The following SLCO5A1 variants were observed in gnomAD, a reference collection of about 807,000 sequenced individuals.
The protein encoded by SLCO5A1 is organic anion transporter polypeptide-related protein 4.
SLCO5A1 carries 39 observed loss-of-function variants against 65.1 expected under a neutral mutation model. The ratio of observed to expected loss-of-function variants is 0.60; its 90% CI spans 0.46 to 0.78. The LOEUF is 0.78. Ranked by LOEUF, SLCO5A1 falls within the 30% of genes least tolerant of loss-of-function variation. The pLI, the probability that SLCO5A1 is intolerant of heterozygous loss-of-function variation, is 0.00. For synonymous variants in SLCO5A1, 438 were observed against 415.7 expected (o/e 1.05, Z -0.65); for missense variants, 1,029 against 1,069.4 (o/e 0.96, Z 0.53).
chr8:69,815,647 AACACACACAC>A (rs55665513), intron 2 of SLCO5A1, among the ~76,000 whole-genome samples: 2,185 of 141,280 alleles, frequency 0.015, 28 homozygotes, highest in South Asian at 0.028. Context: ...GTAAAATATC[AACACACACAC>A]ACACACACAC....
intron 2 of SLCO5A1, among the ~76,000 whole-genome samples, chr8:69,792,366 T>C (rs887750175): frequency 2.0e-5 from 3 of 152,090 alleles, no homozygotes; most frequent in Non-Finnish European, 4.4e-5. Flanking sequence ...TACAGAAATA[T>C]GGTAGGAAAA....
chr8:69,828,875 G>A (rs1821043605), intron 2 of SLCO5A1, among the ~76,000 whole-genome samples: 1 of 152,194 alleles, frequency 6.6e-6, no homozygotes, highest in South Asian at 2.1e-4. Flanking sequence ...CAGGGCTGTT[G>A]TTAGTGGATG....
At chr8:69,755,375 G>T in intron 4 of SLCO5A1, 49 bp downstream of exon 4, 2 of 1,495,306 alleles carry the variant, frequency 1.3e-6, no homozygotes, top group Non-Finnish European at 1.9e-6. Flanking sequence ...ACTATGAGTA[G>T]CACTGATCAA....
chr8:69,788,410 C>G (rs1410551766), intron 2 of SLCO5A1, among the ~76,000 whole-genome samples: 1 of 152,202 alleles, frequency 6.6e-6, no homozygotes, highest in East Asian at 1.9e-4. Context: ...TCTTAGCCCA[C>G]AGTCTCCATA....
At chr8:69,735,509 G>T (rs1563691149) in intron 5 of SLCO5A1, among the ~76,000 whole-genome samples, 1 of 152,184 alleles carries the variant, frequency 6.6e-6, no homozygotes, top group South Asian at 2.1e-4. Context: ...ACAAAATCAT[G>T]TCATATGCAG....
intron 2 of SLCO5A1, among the ~76,000 whole-genome samples, chr8:69,778,520 C>T (rs940880866): frequency 6.6e-6 from 1 of 151,700 alleles, no homozygotes; most frequent in East Asian, 1.9e-4. Flanking sequence ...GTTGTTAGCT[C>T]AGGTTAGTGA....
chr8:69,721,991 G>A (rs1207300567), intron 5 of SLCO5A1, among the ~76,000 whole-genome samples: 1 of 152,058 alleles, frequency 6.6e-6, no homozygotes, highest in African/African-American at 2.4e-5. Flanking sequence ...AGCCAACATA[G>A]CAAAACCTCA....
intron 2 of SLCO5A1, among the ~76,000 whole-genome samples, chr8:69,823,641 C>A (rs1258486629): frequency 1.3e-5 from 2 of 152,056 alleles, no homozygotes; most frequent in African/African-American, 2.4e-5. Flanking sequence ...CCTGAGTGAC[C>A]TACAAAGAGA....
At chr8:69,682,113 A>C (rs1011228510) in intron 7 of SLCO5A1, 71 bp downstream of exon 7, 3 of 1,491,200 alleles carry the variant, frequency 2.0e-6, no homozygotes, top group Admixed American at 4.3e-5. Flanking sequence ...TTGTAGCTGC[A>C]TAGGAATTTC....
chr8:69,769,177 A>G (rs1818207297), intron 2 of SLCO5A1, among the ~76,000 whole-genome samples: 1 of 152,086 alleles, frequency 6.6e-6, no homozygotes, highest in African/African-American at 2.4e-5. Context: ...TTCACTGAGG[A>G]CTCGCCTGAC....
At chr8:69,740,669 G>GA (rs1337920124) in intron 4 of SLCO5A1, among the ~76,000 whole-genome samples, 1 of 152,130 alleles carries the variant, frequency 6.6e-6, no homozygotes, top group African/African-American at 2.4e-5. Flanking sequence ...GAGTTCCCTG[G>GA]AAAAATGTCT....
At chr8:69,809,456 C>T (rs1250231439) in intron 2 of SLCO5A1, among the ~76,000 whole-genome samples, 1 of 151,930 alleles carries the variant, frequency 6.6e-6, no homozygotes, top group Non-Finnish European at 1.5e-5. Context: ...TTTTGTATGG[C>T]ACCTAAATTT....
At chr8:69,783,214 C>CA in intron 2 of SLCO5A1, among the ~76,000 whole-genome samples, 1 of 151,710 alleles carries the variant, frequency 6.6e-6, no homozygotes, top group South Asian at 2.1e-4. Context: ...TTAATGGGTA[C>CA]AAAAAAATAT....
intron 6 of SLCO5A1, among the ~76,000 whole-genome samples, chr8:69,683,571 T>A (rs1007600892): frequency 6.6e-6 from 1 of 151,252 alleles, no homozygotes; most frequent in Non-Finnish European, 1.5e-5. Flanking sequence ...ACTTATCTTT[T>A]TTTTTTTTTG....
rs188945262 is a variant in SLCO5A1 at position 69,755,465 on chromosome 8, T to C, written c.1217A>G (p.Asp406Gly). 114 of 1,614,088 alleles carry C rather than the reference T, an allele frequency of 7.1e-5. No homozygotes were observed. Among genetic ancestry groups the C allele is most frequent in the Non-Finnish European group, 8.4e-5 (99 of 1,179,998 alleles). Residue 406 changes from aspartate to glycine, a missense_variant, in exon 4 of 10, where the codon GAC (aspartate) becomes GGC (glycine). Coordinates refer to ENST00000260126, the MANE Select transcript of SLCO5A1 (RefSeq NM_030958.3). ...AAATCCCATCGAAGAAACTTTTTTGTCCGCTTGTTCACTGTTGTTTGATTT... is the reference window on the plus strand; with the variant it reads ...AAATCCCATCGAAGAAACTTTTTTGCCCGCTTGTTCACTGTTGTTTGATTT... ...KEKSNNSEQA[D>G]KKVSSMGFGK...
intron 2 of SLCO5A1, among the ~76,000 whole-genome samples, chr8:69,824,038 A>C (rs190577195): frequency 6.6e-6 from 1 of 152,396 alleles, no homozygotes; most frequent in Admixed American, 6.5e-5. Context: ...TGGGTACATA[A>C]CTAAATGAAG....
At chr8:69,772,372 A>T (rs1818356275) in intron 2 of SLCO5A1, among the ~76,000 whole-genome samples, 1 of 151,698 alleles carries the variant, frequency 6.6e-6, no homozygotes, top group African/African-American at 2.4e-5. Flanking sequence ...AAAAATTAAA[A>T]ATTAGACAGG....
chr8:69,736,399 C>A (rs1816555735), intron 5 of SLCO5A1, among the ~76,000 whole-genome samples: 1 of 152,232 alleles, frequency 6.6e-6, no homozygotes, highest in Admixed American at 6.5e-5. Context: ...ATTCAAGGTG[C>A]ATTAATGCCT....
At position 69,761,778 on chromosome 8, in the gene SLCO5A1, G is replaced by C; in HGVS notation, c.1005C>G (p.His335Gln). Residue 335 changes from histidine to glutamine, a missense_variant, in exon 3 of 10, where the codon CAC becomes CAG. This residue lies in a region of SLCO5A1 where 647 missense variants were observed against 647.5 expected (regional missense o/e 1.00). Coordinates refer to ENST00000260126, the MANE Select transcript of SLCO5A1 (RefSeq NM_030958.3). ...GFYVDPRNPV[H>Q]LDQNDPRFIG... ...TGAAACGAGGGTCATTCTGGTCAAG[G>C]TGAACAGGATTTCTGGGATCAACAT... 6.2e-7 allele frequency: 1 copy of C among 1,613,880 alleles called. No homozygotes were observed.
Sources: gnomAD v4.1 joint callset for allele counts (sites outside exome capture counted in the v4.1 genomes callset) on GRCh38, gnomAD v4.1.1 for gene constraint, gnomAD v4.1.1 regional missense constraint, MANE v1.5 for transcripts, NCBI Gene and HGNC (gene_info 2026-07-23, HGNC 2026-07-21) for gene names.